Variants in PIGS observed in about 807,000 individuals in gnomAD.
PIGS encodes the protein phosphatidylinositol glycan anchor biosynthesis class S, also known as GPI-anchor transamidase component PIGS.
In PIGS, 37 loss-of-function variants were observed where a neutral mutation model predicts 58.2. The observed-to-expected ratio is 0.64, with a 90% CI of 0.49 to 0.84. The LOEUF is 0.84. Among genes scored for constraint, PIGS ranks in the 40% least tolerant of loss-of-function variants. The pLI, the probability that PIGS is intolerant of heterozygous loss-of-function variation, is 0.00. For synonymous variants in PIGS, 269 were observed against 289.2 expected, an observed-to-expected ratio of 0.93 and a Z score of 0.71; for missense variants, 629 against 710.8, an observed-to-expected ratio of 0.88 and a Z score of 1.31.
intron 3 of PIGS, among the ~76,000 whole-genome samples, chr17:28,566,359 C>T (rs899546461): frequency 4.0e-5 from 6 of 149,866 alleles, no homozygotes; most frequent in Non-Finnish European, 5.9e-5. Flanking sequence ...AGTGGGATCC[C>T]GGCTCACTGC....
chr17:28,556,708 C>A, intron 9 of PIGS, 119 bp downstream of exon 9: 2 of 1,330,632 alleles, frequency 1.5e-6, no homozygotes, highest in South Asian at 2.9e-5. Flanking sequence ...CTGGTGCCTG[C>A]CCCTCCCACA....
chr17:28,571,210 T>A (rs11549979), intron 1 of PIGS, 22 bp from the exon 2 acceptor site: 1,224 of 1,608,026 alleles, frequency 7.6e-4, no homozygotes, highest in Admixed American at 1.7e-3. Context: ...GGGAACCGAC[T>A]GAGGCGCTGG....
Position 28,554,203 on chromosome 17 carries a change from T to C in PIGS, c.*17A>G, listed in dbSNP as rs754896582. 2.0e-5 allele frequency: 32 copies of C among 1,611,520 alleles called. No homozygotes were observed. Among genetic ancestry groups the C allele is most frequent in the Non-Finnish European group, 2.7e-5 (32 of 1,178,490 alleles). On this transcript the variant is annotated 3_prime_UTR_variant, in exon 12 of 12. Transcript: ENST00000308360. ...CTTGGCCAGAAAGGAAGGCTTCCTA[T>C]GGAGGTGCTGCCCTGCTCAGTCTGT...
rs112122996 is a variant in PIGS at position 28,563,585 on chromosome 17, A to C, written c.377-63T>G. ...ACCATTCCATCTCCCCCCAGCCCCA[A>C]AGAATGCCTAACCCACCCCTTCACT... On this transcript the variant is annotated intron_variant, in intron 4 of 11. Coordinates refer to ENST00000308360, the MANE Select transcript of PIGS (RefSeq NM_033198.4). 1,387 of 1,479,930 alleles carry C rather than the reference A, an allele frequency of 9.4e-4. 19 individuals carry two copies. In the African/African-American group the frequency reaches 0.015, roughly 16 times the overall value. The allele number at this position is 1,479,930 out of a possible 1,614,324, so 91.7% of individuals were successfully genotyped here.
intron 3 of PIGS, 46 bp from the exon 4 acceptor site, chr17:28,563,953 C>T: frequency 6.0e-6 from 9 of 1,503,204 alleles, no homozygotes; most frequent in African/African-American, 1.4e-5. Context: ...AAGCATCATG[C>T]CTCTGCCCAC....
intron 3 of PIGS, among the ~76,000 whole-genome samples, chr17:28,568,531 G>C (rs75180192): frequency 6.6e-6 from 1 of 152,096 alleles, no homozygotes; most frequent in East Asian, 1.9e-4. Flanking sequence ...TACTATTTCC[G>C]TCTAACAGAT....
chr17:28,570,377 G>A (rs1271204888), intron 3 of PIGS, among the ~76,000 whole-genome samples: 1 of 152,212 alleles, frequency 6.6e-6, no homozygotes, highest in Non-Finnish European at 1.5e-5. Context: ...TGGGCGTAGT[G>A]TCGCGCGCCT....
In PIGS at chr17:28,553,872, TC is replaced by T. The variant is rs3833160; in HGVS notation, c.*347del. On this transcript the variant is annotated 3_prime_UTR_variant, in exon 12 of 12. Coordinates refer to ENST00000308360, the MANE Select transcript of PIGS (RefSeq NM_033198.4). ...GAAGGCAGGGACTTTCCCATAATGC[TC>T]CCTCCTCTCAGTGCACAAGTGTGCT... 1,895 of 285,216 alleles carry T rather than the reference TC, an allele frequency of 6.6e-3. 15 individuals are homozygous for T. The highest frequency in any genetic ancestry group is 0.023 in the Admixed American group (471 of 20,288). The allele number at this position is 285,216 out of a possible 1,614,324, so 17.7% of individuals were successfully genotyped here.
At position 28,553,444 on chromosome 17, in the gene PIGS, C is replaced by A. The variant is rs1404458678; in HGVS notation, c.*776G>T. 6.6e-6 allele frequency: 1 copy of A among 152,576 alleles called. No homozygotes were observed. Among genetic ancestry groups the A allele is most frequent in the East Asian group, 1.9e-4 (1 of 5,202 alleles). 9.5% of individuals were successfully genotyped at this position (152,576 alleles called of 1,614,324 possible). A position where few individuals can be genotyped will look rare whatever the true frequency, so the allele number is the denominator to read the frequency against. On this transcript the variant is annotated 3_prime_UTR_variant, in exon 12 of 12. Transcript: ENST00000308360. ...TTAAGAGCCTACTACACGCCAGACA[C>A]TTTACATGCTGATCACATTTACTCC...
chr17:28,571,476 C>T lies in PIGS; in HGVS notation c.21G>A (p.Ala7=), dbSNP rs2070430784. 1 of 1,609,380 alleles carries T rather than the reference C, an allele frequency of 6.2e-7. No individual in the cohort carries two copies. The highest frequency in any genetic ancestry group is 1.3e-5 in the African/African-American group (1 of 74,976). MAAAGA[A]ATHLEVARGK... is the part of the protein sequence containing the mutation. ...AGCCCACCGCACCTAGGTGTGTAGC[C>T]GCAGCCCCGGCGGCCGCCATGCTAG... The change falls in exon 1 of 12, where the codon GCG becomes GCA. Residue 7 remains alanine (A), a synonymous_variant. Coordinates refer to ENST00000308360, the MANE Select transcript of PIGS (RefSeq NM_033198.4).
At chr17:28,570,644 A>AT (rs957976943) in intron 3 of PIGS, among the ~76,000 whole-genome samples, 1 of 152,310 alleles carries the variant, frequency 6.6e-6, no homozygotes, top group African/African-American at 2.4e-5. Context: ...ACTGCTTCCG[A>AT]TTAGGTAGCC....
chr17:28,563,745 G>A, intron 4 of PIGS, 73 bp downstream of exon 4: 2 of 1,458,502 alleles, frequency 1.4e-6, no homozygotes, highest in Non-Finnish European at 1.9e-6. Flanking sequence ...CAAAGCATGG[G>A]AACTATGCAC....
chr17:28,566,937 C>G (rs2070398157), intron 3 of PIGS, among the ~76,000 whole-genome samples: 1 of 152,090 alleles, frequency 6.6e-6, no homozygotes, highest in Non-Finnish European at 1.5e-5. Flanking sequence ...GGTGGGAGGT[C>G]TGATTGAGCC....
chr17:28,563,648 C>A, intron 4 of PIGS, 126 bp from the exon 5 acceptor site: 3 of 1,185,526 alleles, frequency 2.5e-6, no homozygotes, highest in Non-Finnish European at 3.7e-6. Flanking sequence ...TTGGGTAAGC[C>A]AATCAACCTC....
At chr17:28,557,903 G>A (rs986988649) in intron 8 of PIGS, among the ~76,000 whole-genome samples, 14 of 152,346 alleles carry the variant, frequency 9.2e-5, no homozygotes, top group Admixed American at 5.2e-4. Context: ...CTTTTAGGGA[G>A]ATAGACCCAG....
chr17:28,560,844 C>T (rs1043706197), intron 6 of PIGS, among the ~76,000 whole-genome samples: 2 of 152,016 alleles, frequency 1.3e-5, no homozygotes, highest in African/African-American at 4.8e-5. Context: ...TGTAATCCTA[C>T]TCAGGAAACT....
At chr17:28,566,775 G>A (rs2070397090) in intron 3 of PIGS, among the ~76,000 whole-genome samples, 1 of 151,942 alleles carries the variant, frequency 6.6e-6, no homozygotes, top group Non-Finnish European at 1.5e-5. Flanking sequence ...TGTATGTTTA[G>A]TGGAGAAGGG....
chr17:28,556,293 A>T, intron 9 of PIGS, 27 bp from the exon 10 acceptor site: 1 of 1,530,340 alleles, frequency 6.5e-7, no homozygotes, highest in Non-Finnish European at 9.1e-7. Context: ...GATTGCCACA[A>T]CATCATACCA....
rs1349014564 is a variant in PIGS at position 28,554,499 on chromosome 17, G to C, written c.1393-4C>G. 1.2e-6 allele frequency: 2 copies of C among 1,613,404 alleles called. No individual in the cohort carries two copies. Among genetic ancestry groups the C allele is most frequent in the East Asian group, 2.2e-5 (1 of 44,880 alleles). On this transcript the variant is annotated splice_region_variant and splice_polypyrimidine_tract_variant and intron_variant, in intron 11 of 11. Coordinates refer to ENST00000308360, the MANE Select transcript of PIGS (RefSeq NM_033198.4). ...CGGCAGCTACAGCCTTGTACACCTA[G>C]GAAGGAGAAGGGACAAGAGGGTATA...
Sources: gnomAD v4.1 joint callset for allele counts (sites outside exome capture counted in the v4.1 genomes callset) on GRCh38, gnomAD v4.1.1 for gene constraint, MANE v1.5 for transcripts, NCBI Gene and HGNC (gene_info 2026-07-23, HGNC 2026-07-21) for gene names.